The following CNTNAP2 variants were observed in gnomAD, a reference collection of about 807,000 sequenced individuals.
CNTNAP2 encodes the protein contactin-associated protein-like 2.
In CNTNAP2, 98 loss-of-function variants were observed where a neutral mutation model predicts 155.2. That is an observed-to-expected ratio of 0.63 (90% CI 0.54 to 0.75). The LOEUF (loss-of-function observed/expected upper bound fraction) is 0.75, where lower values mean the gene tolerates loss of function less well. Ranked by LOEUF, CNTNAP2 falls within the 30% of genes least tolerant of loss-of-function variation. The pLI is 0.00. For missense variants in CNTNAP2, 1,727 were observed against 1,688.1 expected (o/e 1.02, Z -0.40); for synonymous variants, 651 against 631.2 (o/e 1.03, Z -0.47).
intron 14 of CNTNAP2, among the ~76,000 whole-genome samples, chr7:147,916,512 G>C (rs1053786144): frequency 6.6e-6 from 1 of 150,860 alleles, no homozygotes; most frequent in Non-Finnish European, 1.5e-5. Flanking sequence ...CCAACAAAAT[G>C]TTAAATGGAC....
At chr7:148,233,432 G>A (rs955428662) in intron 20 of CNTNAP2, among the ~76,000 whole-genome samples, 1 of 152,160 alleles carries the variant, frequency 6.6e-6, no homozygotes, top group South Asian at 2.1e-4. Flanking sequence ...AGGTCACAAG[G>A]TCTTACCACT....
At position 146,862,045 on chromosome 7, in the gene CNTNAP2, C is replaced by T. The variant is rs534651273; in HGVS notation, c.402+22141C>T. Among the ~76,000 whole-genome samples, 12 of 152,030 alleles carry T rather than the reference C, an allele frequency of 7.9e-5. 1 individual carries two copies. The highest frequency in any genetic ancestry group is 2.9e-4 in the African/African-American group (12 of 41,462). ...TCCTCTTGTATAAAGGCTAACATGC[C>T]CATTTTACCAGTTAGTGGATTGGGG... On this transcript the variant is annotated intron_variant, in intron 3 of 23. Transcript: ENST00000361727.
At chr7:146,666,459 T>A (rs1352682233) in intron 1 of CNTNAP2, among the ~76,000 whole-genome samples, 1 of 152,212 alleles carries the variant, frequency 6.6e-6, no homozygotes, top group Non-Finnish European at 1.5e-5. Context: ...GCAATAGACA[T>A]AGAGATGCAG....
chr7:146,343,892 A>G (rs1177833556), intron 1 of CNTNAP2, among the ~76,000 whole-genome samples: 6 of 152,248 alleles, frequency 3.9e-5, no homozygotes, highest in African/African-American at 1.4e-4. Context: ...AAAATAAGAT[A>G]TGATTTTTAA....
At chr7:148,129,658 A>G (rs1804787040) in intron 16 of CNTNAP2, among the ~76,000 whole-genome samples, 1 of 152,246 alleles carries the variant, frequency 6.6e-6, no homozygotes, top group South Asian at 2.1e-4. Flanking sequence ...ACACTTAGAG[A>G]GACCAGGATT....
intron 1 of CNTNAP2, among the ~76,000 whole-genome samples, chr7:146,229,953 G>A (rs13245661): frequency 0.11 from 16,734 of 152,154 alleles, 1,079 homozygotes; most frequent in African/African-American, 0.18. Flanking sequence ...AACAAAAAGT[G>A]TCTCTGATAG....
chr7:146,461,280 C>A (rs981953284), intron 1 of CNTNAP2, among the ~76,000 whole-genome samples: 1 of 151,768 alleles, frequency 6.6e-6, no homozygotes, highest in Non-Finnish European at 1.5e-5. Context: ...TGGCAGGCAC[C>A]TGTAGTCCCA....
Position 148,276,341 on chromosome 7 carries a change from CTG to C in CNTNAP2, c.3475+9218_3475+9219del, listed in dbSNP as rs538185088. Among the ~76,000 whole-genome samples the C allele has an allele frequency of 2.3e-3, 355 of 152,328 alleles. 3 individuals are homozygous for C. The highest frequency in any genetic ancestry group is 7.5e-3 in the African/African-American group (313 of 41,568). ...TGGAGCATTATCAAGCCACTCACCACTGTGGGCACCTGGAACATAATCCCACC... is the reference window on the plus strand; with the variant it reads ...TGGAGCATTATCAAGCCACTCACCACTGGGCACCTGGAACATAATCCCACC... On this transcript the variant is annotated intron_variant, in intron 21 of 23. Coordinates refer to ENST00000361727, the MANE Select transcript of CNTNAP2 (RefSeq NM_014141.6).
At chr7:146,285,469 C>T (rs577707709) in intron 1 of CNTNAP2, among the ~76,000 whole-genome samples, 2 of 151,810 alleles carry the variant, frequency 1.3e-5, no homozygotes, top group South Asian at 2.1e-4. Context: ...TGTATACCAC[C>T]GAGAAAACAT....
At chr7:147,471,759 T>C (rs965252053) in intron 10 of CNTNAP2, among the ~76,000 whole-genome samples, 1 of 152,188 alleles carries the variant, frequency 6.6e-6, no homozygotes, top group Non-Finnish European at 1.5e-5. Flanking sequence ...GAAACAGACA[T>C]GTTCCCTACT....
intron 14 of CNTNAP2, among the ~76,000 whole-genome samples, chr7:147,942,353 G>T (rs1800740531): frequency 6.6e-6 from 1 of 152,054 alleles, no homozygotes; most frequent in Admixed American, 6.6e-5. Context: ...CGTTGTAGAA[G>T]TAAGCCTTTC....
At chr7:147,553,806 A>T (rs1382877207) in intron 11 of CNTNAP2, among the ~76,000 whole-genome samples, 2 of 152,092 alleles carry the variant, frequency 1.3e-5, no homozygotes, top group Non-Finnish European at 2.9e-5. Context: ...CCCTGTCTCT[A>T]CTAAAAGCAC....
chr7:147,649,798 A>G (rs1795422638), intron 13 of CNTNAP2, among the ~76,000 whole-genome samples: 1 of 152,050 alleles, frequency 6.6e-6, no homozygotes, highest in African/African-American at 2.4e-5. Context: ...TCAAAATTCC[A>G]TACTACTTAC....
chr7:148,152,589 C>T lies in CNTNAP2; in HGVS notation c.2773+4880C>T, dbSNP rs193289462. Among the ~76,000 whole-genome samples the T allele has an allele frequency of 4.8e-4, 73 of 152,326 alleles. 1 individual carries two copies. In the East Asian group the frequency reaches 0.011, roughly 23 times the overall value. ...GAGCATTAAGGGATTCTAGAAACTACACCTACATTTTAACAGAGTTCAGGC... is the reference window on the plus strand; with the variant it reads ...GAGCATTAAGGGATTCTAGAAACTATACCTACATTTTAACAGAGTTCAGGC... On this transcript the variant is annotated intron_variant, in intron 17 of 23. Transcript: ENST00000361727.
intron 9 of CNTNAP2, among the ~76,000 whole-genome samples, chr7:147,338,147 C>A (rs569590623): frequency 6.6e-6 from 1 of 152,126 alleles, no homozygotes; most frequent in South Asian, 2.1e-4. Flanking sequence ...AGGAAACTTA[C>A]AATCATGGTG....
chr7:146,655,292 T>C (rs1227948065), intron 1 of CNTNAP2, among the ~76,000 whole-genome samples: 1 of 151,124 alleles, frequency 6.6e-6, no homozygotes, highest in Non-Finnish European at 1.5e-5. Flanking sequence ...TGCACACCTG[T>C]AGTCCCAGCT....
intron 21 of CNTNAP2, among the ~76,000 whole-genome samples, chr7:148,303,822 C>T (rs1182437636): frequency 2.6e-5 from 4 of 152,172 alleles, no homozygotes; most frequent in Non-Finnish European, 5.9e-5. Context: ...TAAGACAGCC[C>T]ACTTCCAGAT....
chr7:146,433,891 C>T (rs1394111976), intron 1 of CNTNAP2, among the ~76,000 whole-genome samples: 2 of 152,162 alleles, frequency 1.3e-5, no homozygotes, highest in East Asian at 1.9e-4. Flanking sequence ...GCAAACCTAA[C>T]CACAGCTTCC....
intron 12 of CNTNAP2, among the ~76,000 whole-genome samples, chr7:147,599,934 A>T (rs1466219103): frequency 6.6e-6 from 1 of 152,232 alleles, no homozygotes; most frequent in Non-Finnish European, 1.5e-5. Flanking sequence ...ACTTGTATTC[A>T]GTTATATCAG....
Sources: gnomAD v4.1 joint callset for allele counts (sites outside exome capture counted in the v4.1 genomes callset) on GRCh38, gnomAD v4.1.1 for gene constraint, MANE v1.5 for transcripts, NCBI Gene and HGNC (gene_info 2026-07-23, HGNC 2026-07-21) for gene names.